The following MACF1 variants were observed in gnomAD, a reference collection of about 807,000 sequenced individuals.
MACF1 encodes microtubule actin crosslinking factor 1.
MACF1 carries 193 observed loss-of-function variants against 854.8 expected under a neutral mutation model. The observed-to-expected ratio is 0.23, with a 90% CI of 0.20 to 0.25. The LOEUF (loss-of-function observed/expected upper bound fraction) is 0.25, where lower values mean the gene tolerates loss of function less well. Ranked by LOEUF, MACF1 falls within the 10% of genes least tolerant of loss-of-function variation. The pLI, the probability that MACF1 is intolerant of heterozygous loss-of-function variation, is 1.00. For synonymous variants in MACF1, 3,185 were observed against 3,226.7 expected (o/e 0.99, Z 0.44); for missense variants, 7,722 against 8,929.1 (o/e 0.86, Z 5.45).
chr1:39,410,594 A>T, intron 58 of MACF1: 1 of 1,614,070 alleles, frequency 6.2e-7, no homozygotes, highest in Non-Finnish European at 8.5e-7. Context: ...GATGTGCAGA[A>T]GTCAGCACCT....
rs1199815963 is a variant in MACF1 at position 39,396,746 on chromosome 1, G to A, written c.15816+8088G>A. ...GGGCCGTTTATTGTTAGAGTTGCTG[G>A]TTTACTAGGAATAAAATGACTTCCA... On this transcript the variant is annotated intron_variant, in intron 58 of 100. Transcript: ENST00000564288. Among the ~76,000 whole-genome samples, 4 of 152,154 alleles carry A rather than the reference G, an allele frequency of 2.6e-5. No homozygotes were observed. In the East Asian group the frequency reaches 7.7e-4, roughly 29 times the overall value.
intron 2 of MACF1, among the ~76,000 whole-genome samples, chr1:39,232,878 G>T (rs1209419539): frequency 1.3e-5 from 2 of 151,878 alleles, no homozygotes; most frequent in Admixed American, 6.6e-5. Flanking sequence ...AACCTCCTGG[G>T]CTTGAGTGAT....
chr1:39,160,500 A>G (rs533090775), intron 2 of MACF1, among the ~76,000 whole-genome samples: 1 of 152,298 alleles, frequency 6.6e-6, no homozygotes, highest in African/African-American at 2.4e-5. Flanking sequence ...TTCATTCACT[A>G]TTGTTTGCTT....
intron 2 of MACF1, among the ~76,000 whole-genome samples, chr1:39,125,655 C>T (rs146162381): frequency 6.6e-6 from 1 of 152,254 alleles, no homozygotes; most frequent in East Asian, 1.9e-4. Context: ...TGCATATAGC[C>T]AGGTCCTGTC....
At chr1:39,416,954 G>A (rs1482665966) in intron 58 of MACF1, among the ~76,000 whole-genome samples, 2 of 152,206 alleles carry the variant, frequency 1.3e-5, no homozygotes, top group African/African-American at 2.4e-5. Context: ...TGAGTATACA[G>A]GTTTGCTAAA....
intron 2 of MACF1, among the ~76,000 whole-genome samples, chr1:39,142,357 TC>T (rs1643362951): frequency 6.6e-6 from 1 of 152,140 alleles, no homozygotes; most frequent in South Asian, 2.1e-4. Flanking sequence ...GGGGAGTCTC[TC>T]CCACCTTAAA....
rs969478783 is a variant in MACF1, at chr1:39,084,838, A to G, written c.220+400A>G. On this transcript the variant is annotated intron_variant, in intron 2 of 93. Coordinates refer to the MACF1 transcript ENST00000361689. The surrounding 1 kb of genome is among the most constrained non-coding windows in gnomAD (Gnocchi z 5.2). The stretch of plus-strand genomic sequence containing the variant: ...ACCATTTCTAAAAGCTGTCTATTTC[A>G]TGACTTTCTAAATCCTACTCTTTTT... Among the ~76,000 whole-genome samples, 4 of 152,166 alleles carry G rather than the reference A, an allele frequency of 2.6e-5. No homozygotes were observed. Among genetic ancestry groups the G allele is most frequent in the African/African-American group, 7.2e-5 (3 of 41,444 alleles).
intron 43 of MACF1, among the ~76,000 whole-genome samples, chr1:39,351,840 G>A (rs960377881): frequency 1.3e-5 from 2 of 151,692 alleles, no homozygotes; most frequent in African/African-American, 2.4e-5. Flanking sequence ...CTCCTGCCTC[G>A]GCCTCCCAAA....
intron 29 of MACF1, among the ~76,000 whole-genome samples, chr1:39,317,877 G>T (rs775405947): frequency 6.6e-6 from 1 of 152,206 alleles, no homozygotes; most frequent in Non-Finnish European, 1.5e-5. Context: ...GACAGAAACT[G>T]CACCTTTTGG....
At chr1:39,439,558 A>T in intron 72 of MACF1, 58 bp downstream of exon 72, 1 of 1,382,644 alleles carries the variant, frequency 7.2e-7, no homozygotes, top group South Asian at 1.2e-5. Context: ...AAAGCACTTT[A>T]TCAAATCAAA....
intron 97 of MACF1, among the ~76,000 whole-genome samples, chr1:39,471,150 T>C (rs1184256488): frequency 6.6e-6 from 1 of 152,132 alleles, no homozygotes; most frequent in Non-Finnish European, 1.5e-5. Context: ...TCTCCAGAAG[T>C]TTTAAATTTC....
At chr1:39,292,937 C>T (rs1242944608) in intron 17 of MACF1, 94 bp downstream of exon 17, 1 of 1,066,112 alleles carries the variant, frequency 9.4e-7, no homozygotes. Context: ...CTGGTTTGGC[C>T]CTGTTTTGGT....
Position 39,322,647 on chromosome 1 carries a change from G to A in MACF1, c.4069G>A (p.Glu1357Lys), listed in dbSNP as rs1204948099. Residue 1357 changes from glutamate (E) to lysine (K), a missense_variant, in exon 32 of 101, where the codon GAA becomes AAA. Glu to Lys is a moderately conservative substitution (Grantham distance 56). Coordinates refer to ENST00000564288, the MANE Select transcript of MACF1 (RefSeq NM_001394062.1). ...LQLMTYKAFV[E>K]SQQKSPGKRR... The stretch of plus-strand genomic sequence containing the variant: ...ACTGATGACATACAAGGCCTTTGTG[G>A]AATCGCAGCAGAAATCCCCTGGCAA... 1.2e-6 allele frequency: 2 copies of A among 1,613,976 alleles called. No individual in the cohort carries two copies. Among genetic ancestry groups the A allele is most frequent in the Non-Finnish European group, 1.7e-6 (2 of 1,179,980 alleles).
intron 2 of MACF1, among the ~76,000 whole-genome samples, chr1:39,126,178 G>A (rs1177489466): frequency 6.6e-6 from 1 of 152,200 alleles, no homozygotes; most frequent in Non-Finnish European, 1.5e-5. Context: ...CGAGAAGTCT[G>A]AAATCAAGTT....
At chr1:39,408,046 C>T (rs1022263452) in intron 58 of MACF1, among the ~76,000 whole-genome samples, 1 of 152,202 alleles carries the variant, frequency 6.6e-6, no homozygotes, top group Non-Finnish European at 1.5e-5. Flanking sequence ...GGATTGTGAG[C>T]GACTTTTCTC....
chr1:39,465,078 C>T lies in MACF1; in HGVS notation c.21754-17C>T, dbSNP rs748614406. The T allele has an allele frequency of 1.7e-5, 28 of 1,608,336 alleles. No individual in the cohort carries two copies. The highest frequency in any genetic ancestry group is 1.1e-4 in the African/African-American group (8 of 74,722). Reference sequence around the variant, plus strand: ...TTCCCCTCCTTTCCTCCATCCTTTACTCTTTACTGTCTATAGTTCTTCCTC... The same window carrying T: ...TTCCCCTCCTTTCCTCCATCCTTTATTCTTTACTGTCTATAGTTCTTCCTC... On this transcript the variant is annotated splice_polypyrimidine_tract_variant and intron_variant, in intron 94 of 100. Transcript: ENST00000564288.
At chr1:39,223,510 A>G (rs626635) in intron 1 of MACF1, among the ~76,000 whole-genome samples, 20,969 of 151,520 alleles carry the variant, frequency 0.14, 2,507 homozygotes, top group African/African-American at 0.33. Flanking sequence ...AATAAATGCT[A>G]TTTAATTTTT....
intron 2 of MACF1, among the ~76,000 whole-genome samples, chr1:39,181,443 G>C (rs1644103769): frequency 6.6e-6 from 1 of 152,116 alleles, no homozygotes. Context: ...TGCAATCCCT[G>C]TCAGAATCCC....
intron 41 of MACF1, among the ~76,000 whole-genome samples, chr1:39,349,015 G>A (rs548601804): frequency 4.6e-5 from 7 of 152,228 alleles, no homozygotes; most frequent in South Asian, 2.1e-4. Context: ...TAAGAAGCTC[G>A]ATTAACTTAT....
Sources: gnomAD v4.1 joint callset for allele counts (sites outside exome capture counted in the v4.1 genomes callset) on GRCh38, gnomAD v4.1.1 for gene constraint, Gnocchi (gnomAD v3.1) non-coding constraint, MANE v1.5 for transcripts, NCBI Gene and HGNC (gene_info 2026-07-23, HGNC 2026-07-21) for gene names.